TMEM165: variants seen among roughly 807,000 people sequenced by gnomAD.
TMEM165 encodes transmembrane protein 165.
In TMEM165, 19 loss-of-function variants were observed where a neutral mutation model predicts 30.0. The observed-to-expected ratio is 0.63, with a 90% CI of 0.44 to 0.93. The LOEUF (loss-of-function observed/expected upper bound fraction) is 0.93. Ranked by LOEUF, TMEM165 falls within the 40% of genes least tolerant of loss-of-function variation. The pLI, the probability that TMEM165 is intolerant of heterozygous loss-of-function variation, is 0.00. For missense variants in TMEM165, 340 were observed against 417.0 expected (o/e 0.82, Z 1.61); for synonymous variants, 168 against 162.9 (o/e 1.03, Z -0.24).
intron 1 of TMEM165, among the ~76,000 whole-genome samples, chr4:55,400,387 TAAA>T (rs1720945358): frequency 8.7e-6 from 1 of 115,482 alleles, no homozygotes; most frequent in South Asian, 2.5e-4. Context: ...ATAATAATAA[TAAA>T]TAATATTAAT....
chr4:55,452,485 G>A (rs900845445), exon 4 of TMEM165: 1 of 152,652 alleles, frequency 6.6e-6, no homozygotes, highest in East Asian at 1.9e-4. Context: ...TGAAGTAGAG[G>A]GTCCAGCTAA....
exon 4 of TMEM165, chr4:55,452,425 G>A (rs1157666486): frequency 6.6e-6 from 1 of 152,470 alleles, no homozygotes; most frequent in East Asian, 1.9e-4. Flanking sequence ...TGAACTTTGA[G>A]ATGACTGTGG....
At chr4:55,425,090 T>C (rs1722138608) in intron 5 of TMEM165, among the ~76,000 whole-genome samples, 1 of 152,228 alleles carries the variant, frequency 6.6e-6, no homozygotes, top group East Asian at 1.9e-4. Context: ...GATTTTAAGA[T>C]GAGTTATAGT....
intron 3 of TMEM165, among the ~76,000 whole-genome samples, chr4:55,450,997 C>T (rs1724393212): frequency 6.6e-6 from 1 of 151,754 alleles, no homozygotes; most frequent in African/African-American, 2.4e-5. Flanking sequence ...TCCATCAGCT[C>T]ATTCTCATCA....
intron 3 of TMEM165, chr4:55,449,534 T>A: frequency 6.8e-7 from 1 of 1,477,260 alleles, no homozygotes; most frequent in Non-Finnish European, 9.5e-7. Flanking sequence ...TAGTACTTTA[T>A]AAAATATAGT....
intron 5 of TMEM165, chr4:55,424,882 T>C (rs1722127704): frequency 6.3e-6 from 3 of 476,526 alleles, no homozygotes; most frequent in African/African-American, 2.0e-5. Context: ...TGTTAACATA[T>C]TATCTTAGTA....
intron 3 of TMEM165, among the ~76,000 whole-genome samples, chr4:55,437,343 C>G (rs1722964974): frequency 6.6e-6 from 1 of 152,154 alleles, no homozygotes; most frequent in East Asian, 1.9e-4. Context: ...AGTACACATA[C>G]AGACTAGCCT....
At position 55,396,284 on chromosome 4, in the gene TMEM165, G is replaced by T. The variant is rs781001956; in HGVS notation, c.95G>T (p.Arg32Leu). The change falls in exon 1 of 6, where the codon CGG (arginine) becomes CTG (leucine). Residue 32 changes from arginine to leucine, a missense_variant. Arg to Leu is a moderately radical substitution (Grantham distance 102). Transcript: ENST00000381334. ...VPLLWAPAAV[R>L]AGPDEDLSHR... ...CTGCTGTGGGCCCCGGCTGCGGTCCGGGCCGGCCCAGATGAAGACCTTAGC... is the reference window on the plus strand; with the variant it reads ...CTGCTGTGGGCCCCGGCTGCGGTCCTGGCCGGCCCAGATGAAGACCTTAGC... The T allele has an allele frequency of 9.8e-6, 15 of 1,526,446 alleles. No individual in the cohort carries two copies. The highest frequency in any genetic ancestry group is 1.3e-5 in the Non-Finnish European group (15 of 1,142,756). 94.6% of individuals were successfully genotyped at this position (1,526,446 alleles called of 1,614,324 possible). A position where few individuals can be genotyped will look rare whatever the true frequency, so the allele number is the denominator to read the frequency against.
chr4:55,449,076 C>G (rs1458855644), intron 3 of TMEM165, among the ~76,000 whole-genome samples: 3 of 151,866 alleles, frequency 2.0e-5, no homozygotes, highest in Non-Finnish European at 4.4e-5. Context: ...CCTACAGTAC[C>G]TTGAACAAGC....
Position 55,402,128 on chromosome 4 carries a change from A to AAAAAAG in TMEM165, c.207+5735_207+5736insAAGAAA, listed in dbSNP as rs1019968951. Among the ~76,000 whole-genome samples, 8 of 147,980 alleles carry AAAAAAG rather than the reference A, an allele frequency of 5.4e-5. 1 individual carries two copies. Among genetic ancestry groups the AAAAAAG allele is most frequent in the African/African-American group, 1.6e-4 (6 of 38,682 alleles). ...AGCAAAACTCTGTCTCCAAAAAAAA[A>AAAAAAG]AAAGAAACTAAACACATTTAATAAA... is the stretch of plus-strand genomic sequence containing the variant. On this transcript the variant is annotated intron_variant, in intron 1 of 5. Transcript: ENST00000381334.
chr4:55,429,446 G>T (rs1191033360), downstream of TMEM165: 1 of 152,180 alleles, frequency 6.6e-6, no homozygotes, highest in Non-Finnish European at 1.5e-5. Flanking sequence ...TTCCAACACT[G>T]CTTTACTGGG....
rs367938738 is a variant in TMEM165, at chr4:55,409,901, G to A, written c.208-1713G>A. 2.6e-3 allele frequency among the ~76,000 whole-genome samples: 403 copies of A among 152,282 alleles called. 1 individual carries two copies. The highest frequency in any genetic ancestry group is 9.3e-3 in the African/African-American group (386 of 41,554). ...CTTTTTAGTTCTGCCTCTTAGGACC[G>A]TATGGATTGGATAGATTCACTTAAA... On this transcript the variant is annotated intron_variant, in intron 1 of 5. Coordinates refer to ENST00000381334, the MANE Select transcript of TMEM165 (RefSeq NM_018475.5).
At chr4:55,419,102 A>T (rs1236864445) in intron 4 of TMEM165, among the ~76,000 whole-genome samples, 1 of 152,000 alleles carries the variant, frequency 6.6e-6, no homozygotes. Context: ...AAATAAAAAC[A>T]TTATTTTTAT....
At chr4:55,404,270 C>T (rs1578231339) in intron 1 of TMEM165, among the ~76,000 whole-genome samples, 1 of 152,022 alleles carries the variant, frequency 6.6e-6, no homozygotes, top group Non-Finnish European at 1.5e-5. Flanking sequence ...CCACCTCGGC[C>T]TCCCAAAGTG....
intron 1 of TMEM165, among the ~76,000 whole-genome samples, chr4:55,396,656 C>T (rs971308620): frequency 2.0e-5 from 3 of 152,194 alleles, no homozygotes; most frequent in Non-Finnish European, 4.4e-5. Flanking sequence ...AGATGCTGCT[C>T]CGGGATGGGC....
chr4:55,431,975 A>T (rs376625766), intron 3 of TMEM165: 1 of 152,234 alleles, frequency 6.6e-6, no homozygotes, highest in East Asian at 1.9e-4. Context: ...GGCAATGACC[A>T]ACAACTACAG....
intron 1 of TMEM165, among the ~76,000 whole-genome samples, chr4:55,402,682 G>T (rs183732833): frequency 2.1e-5 from 3 of 145,432 alleles, no homozygotes; most frequent in African/African-American, 5.4e-5. Context: ...TCCCAACCTC[G>T]AGTGATCCAC....
At chr4:55,428,746 T>TACCA (rs1175758299), downstream of TMEM165, 1 of 151,532 alleles carries the variant, frequency 6.6e-6, no homozygotes, top group African/African-American at 2.4e-5. Context: ...TTTTAACAAC[T>TACCA]ACCAACTGAT....
At chr4:55,435,882 T>A (rs1318022258) in intron 3 of TMEM165, among the ~76,000 whole-genome samples, 1 of 152,224 alleles carries the variant, frequency 6.6e-6, no homozygotes, top group African/African-American at 2.4e-5. Context: ...TTCTTTCACT[T>A]TATGTCCTAA....
Sources: gnomAD v4.1 joint callset for allele counts (sites outside exome capture counted in the v4.1 genomes callset) on GRCh38, gnomAD v4.1.1 for gene constraint, MANE v1.5 for transcripts, NCBI Gene and HGNC (gene_info 2026-07-23, HGNC 2026-07-21) for gene names.